The following MYO18B variants were observed in gnomAD, a reference collection of about 807,000 sequenced individuals.
The protein encoded by MYO18B is myosin XVIIIB.
In MYO18B, 204 loss-of-function variants were observed where a neutral mutation model predicts 273.0. That is an observed-to-expected ratio of 0.75 (90% CI 0.67 to 0.84). The LOEUF (loss-of-function observed/expected upper bound fraction) is 0.84. Among genes scored for constraint, MYO18B ranks in the 40% least tolerant of loss-of-function variants. The pLI is 0.00. For synonymous variants in MYO18B, 1,330 were observed against 1,305.7 expected, an observed-to-expected ratio of 1.02 and a Z score of -0.40; for missense variants, 3,212 against 3,287.6, an observed-to-expected ratio of 0.98 and a Z score of 0.56.
the MYO18B span, among the ~76,000 whole-genome samples, chr22:26,047,125 ATTT>A: frequency 1.8e-4 from 24 of 134,810 alleles, no homozygotes; most frequent in African/African-American, 3.5e-4. Context: ...TAGTTGGCCC[ATTT>A]TTTTTTTTTT....
chr22:25,828,670 T>C (rs2089585530), intron 14 of MYO18B, 106 bp from the exon 15 acceptor site: 2 of 1,095,372 alleles, frequency 1.8e-6, no homozygotes, highest in African/African-American at 1.6e-5. Context: ...ACACAGCCTG[T>C]AAGAGGTGAG....
chr22:25,751,418 C>T (rs1174251208), intron 1 of MYO18B, among the ~76,000 whole-genome samples: 5 of 152,210 alleles, frequency 3.3e-5, no homozygotes, highest in Non-Finnish European at 4.4e-5. Flanking sequence ...CCTGAATGTA[C>T]CTACTTGAGC....
chr22:25,877,193 G>C (rs1209887757), intron 24 of MYO18B: 4 of 152,228 alleles, frequency 2.6e-5, no homozygotes, highest in Non-Finnish European at 5.9e-5. Context: ...TGCATGAACA[G>C]AGACATTGAA....
chr22:25,786,980 G>A (rs749551366), intron 11 of MYO18B, among the ~76,000 whole-genome samples: 4 of 152,170 alleles, frequency 2.6e-5, no homozygotes, highest in Non-Finnish European at 5.9e-5. Flanking sequence ...TTGGGAGGCC[G>A]AGGTGGGCAG....
intron 39 of MYO18B, among the ~76,000 whole-genome samples, chr22:25,973,271 G>T (rs963417962): frequency 3.3e-5 from 5 of 152,196 alleles, no homozygotes; most frequent in African/African-American, 1.2e-4. Context: ...GGGTGGTGGT[G>T]GTGGCTGTGA....
chr22:25,765,908 C>T (rs564689116), intron 3 of MYO18B, among the ~76,000 whole-genome samples: 16 of 152,086 alleles, frequency 1.1e-4, no homozygotes, highest in Non-Finnish European at 1.9e-4. Context: ...TTGCCAAGTG[C>T]AGTCAATCCC....
intron 1 of MYO18B, among the ~76,000 whole-genome samples, chr22:25,752,143 C>CATTCATTT (rs1447819851): frequency 1.3e-5 from 2 of 151,864 alleles, no homozygotes; most frequent in African/African-American, 4.8e-5. Context: ...TTCATTCATT[C>CATTCATTT]ACCTACTTAT....
At chr22:25,849,995 C>T (rs557397101) in intron 20 of MYO18B, among the ~76,000 whole-genome samples, 1 of 152,310 alleles carries the variant, frequency 6.6e-6, no homozygotes, top group South Asian at 2.1e-4. Context: ...TCATGGGGCT[C>T]ATAAGCACAG....
intron 18 of MYO18B, among the ~76,000 whole-genome samples, chr22:25,844,364 C>CTGTGTG (rs34883672): frequency 6.6e-6 from 1 of 151,110 alleles, no homozygotes; most frequent in African/African-American, 2.4e-5. Flanking sequence ...TTGGAAAATG[C>CTGTGTG]TGTGTGTGTG....
At position 25,760,981 on chromosome 22, in the gene MYO18B, C is replaced by T; in HGVS notation, c.-109-3C>T. On this transcript the variant is annotated splice_region_variant and splice_polypyrimidine_tract_variant and intron_variant, in intron 1 of 43. Transcript: ENST00000335473. ...CTCTCCCCACTGTGTCCCTGTGTGT[C>T]AGTTCTGTGTCCATCTCATGTGCTG... 8.5e-7 allele frequency: 1 copy of T among 1,178,278 alleles called. No individual in the cohort carries two copies. Among genetic ancestry groups the T allele is most frequent in the Non-Finnish European group, 1.3e-6 (1 of 795,590 alleles). 73.0% of individuals were successfully genotyped at this position (1,178,278 alleles called of 1,614,324 possible). A position where few individuals can be genotyped will look rare whatever the true frequency, so the allele number is the denominator to read the frequency against.
At chr22:25,892,484 C>T (rs2091687124) in intron 27 of MYO18B, 1 of 152,134 alleles carries the variant, frequency 6.6e-6, no homozygotes, top group South Asian at 2.1e-4. Context: ...GACATCTTTG[C>T]CACCTTGTCA....
intron 25 of MYO18B, among the ~76,000 whole-genome samples, chr22:25,886,512 G>A (rs2146254588): frequency 6.6e-6 from 1 of 152,304 alleles, no homozygotes; most frequent in Middle Eastern, 3.4e-3. Flanking sequence ...GTTGAAGGGG[G>A]TGGGAGTGGG....
At chr22:26,026,229 A>G (rs1936228005) in intron 42 of MYO18B, among the ~76,000 whole-genome samples, 1 of 152,202 alleles carries the variant, frequency 6.6e-6, no homozygotes, top group Admixed American at 6.5e-5. Context: ...AGCTGGGTTT[A>G]ATTATAGATA....
Position 25,789,730 on chromosome 22 carries a change from C to T in MYO18B, c.2376+4239C>T, listed in dbSNP as rs116420362. ...AAAAACCAGAATACACACACACACT[C>T]GAGCAAACCAGAAAACAAGCGCCAT... On this transcript the variant is annotated intron_variant, in intron 11 of 43. Coordinates refer to ENST00000335473, the MANE Select transcript of MYO18B (RefSeq NM_032608.7). Among the ~76,000 whole-genome samples the T allele has an allele frequency of 5.3e-3, 812 of 152,272 alleles. 9 individuals carry two copies. The highest frequency in any genetic ancestry group is 0.019 in the African/African-American group (784 of 41,560).
At chr22:26,025,211 C>T (rs1399147661) in intron 42 of MYO18B, among the ~76,000 whole-genome samples, 1 of 152,190 alleles carries the variant, frequency 6.6e-6, no homozygotes, top group East Asian at 1.9e-4. Context: ...CCAGCCATTC[C>T]CTCCCGTGCC....
At chr22:25,851,635 T>G in intron 21 of MYO18B, 56 bp downstream of exon 21, 1 of 1,307,602 alleles carries the variant, frequency 7.6e-7, no homozygotes, top group South Asian at 1.3e-5. Flanking sequence ...ATGTTGGTTA[T>G]TGGACATGTT....
intron 1 of MYO18B, among the ~76,000 whole-genome samples, chr22:25,745,253 G>A (rs1171514783): frequency 6.6e-6 from 1 of 152,024 alleles, no homozygotes; most frequent in African/African-American, 2.4e-5. Flanking sequence ...GGGACTACAG[G>A]AGTGCACCAC....
chr22:26,003,193 A>G (rs1934121652), intron 40 of MYO18B, 72 bp from the exon 41 acceptor site: 1 of 1,366,344 alleles, frequency 7.3e-7, no homozygotes, highest in Admixed American at 1.9e-5. Context: ...ATGTCTGTCT[A>G]ACGTCAATAA....
At chr22:25,832,549 C>T (rs910316997) in intron 15 of MYO18B, among the ~76,000 whole-genome samples, 1 of 152,140 alleles carries the variant, frequency 6.6e-6, no homozygotes, top group Admixed American at 6.6e-5. Flanking sequence ...TATGGTTTCA[C>T]TTACATAAGC....
Sources: allele counts gnomAD v4.1 joint callset (sites outside exome capture counted in the v4.1 genomes callset), GRCh38; gene constraint gnomAD v4.1.1; transcripts MANE v1.5; gene names NCBI Gene and HGNC (gene_info 2026-07-23, HGNC 2026-07-21).